Variants in DCAF5 observed in about 807,000 individuals in gnomAD.
DCAF5 encodes the protein DDB1 and CUL4 associated factor 5, also known as DDB1- and CUL4-associated factor 5.
DCAF5 carries 9 observed loss-of-function variants against 80.7 expected under a neutral mutation model. The ratio of observed to expected loss-of-function variants is 0.11; its 90% CI spans 0.07 to 0.19. The LOEUF (loss-of-function observed/expected upper bound fraction) is 0.19, where lower values mean the gene tolerates loss of function less well. Among genes scored for constraint, DCAF5 ranks in the 10% least tolerant of loss-of-function variants. The pLI, the probability that DCAF5 is intolerant of heterozygous loss-of-function variation, is 1.00. For missense variants in DCAF5, 842 were observed against 1,205.7 expected (o/e 0.70, Z 4.47); for synonymous variants, 433 against 461.9 (o/e 0.94, Z 0.80).
At chr14:69,074,592 C>T (rs1033312687) in intron 7 of DCAF5, among the ~76,000 whole-genome samples, 2 of 152,104 alleles carry the variant, frequency 1.3e-5, no homozygotes, top group Non-Finnish European at 2.9e-5. Flanking sequence ...GGGAACATAC[C>T]TGTCCATCAA....
At chr14:69,104,396 C>A (rs1212058126) in intron 5 of DCAF5, among the ~76,000 whole-genome samples, 1 of 151,906 alleles carries the variant, frequency 6.6e-6, no homozygotes, top group Non-Finnish European at 1.5e-5. Flanking sequence ...AAAAATCAAA[C>A]CTGAATTTGT....
At chr14:69,057,873 A>G (rs575185738) in intron 8 of DCAF5, among the ~76,000 whole-genome samples, 1 of 152,290 alleles carries the variant, frequency 6.6e-6, no homozygotes, top group South Asian at 2.1e-4. Context: ...CAGTAAGGGG[A>G]GCAGGTAGGA....
chr14:69,077,922 A>G (rs2139911755), intron 6 of DCAF5, among the ~76,000 whole-genome samples: 1 of 152,326 alleles, frequency 6.6e-6, no homozygotes, highest in Non-Finnish European at 1.5e-5. Flanking sequence ...GGCACAGTGG[A>G]AAAAGCAGTG....
chr14:69,069,596 G>A (rs1474052651), intron 7 of DCAF5, among the ~76,000 whole-genome samples: 3 of 152,064 alleles, frequency 2.0e-5, no homozygotes, highest in African/African-American at 7.2e-5. Context: ...ACCATGCCCA[G>A]TTTTCTTTCT....
At chr14:69,060,126 TAC>T (rs1157414008) in intron 8 of DCAF5, among the ~76,000 whole-genome samples, 1 of 152,106 alleles carries the variant, frequency 6.6e-6, no homozygotes, top group Non-Finnish European at 1.5e-5. Context: ...GAGGACACGT[TAC>T]AGAGTCAACC....
At chr14:69,087,982 T>C (rs992083284) in intron 6 of DCAF5, among the ~76,000 whole-genome samples, 1 of 152,214 alleles carries the variant, frequency 6.6e-6, no homozygotes, top group African/African-American at 2.4e-5. Flanking sequence ...AAAGTATGAA[T>C]TTGTTGTAAT....
intron 7 of DCAF5, among the ~76,000 whole-genome samples, chr14:69,074,036 C>A (rs1191683207): frequency 1.3e-5 from 2 of 152,162 alleles, no homozygotes; most frequent in Non-Finnish European, 2.9e-5. Flanking sequence ...AGGAAAAGCC[C>A]TTTTGTAACT....
intron 7 of DCAF5, among the ~76,000 whole-genome samples, chr14:69,065,993 T>C (rs2038421623): frequency 6.6e-6 from 1 of 152,142 alleles, no homozygotes; most frequent in Admixed American, 6.5e-5. Flanking sequence ...TCGCTAATAA[T>C]GGGTACCCAT....
At chr14:69,065,721 T>C (rs1006892406) in intron 7 of DCAF5, among the ~76,000 whole-genome samples, 3 of 152,236 alleles carry the variant, frequency 2.0e-5, no homozygotes, top group South Asian at 2.1e-4. Context: ...ATAAGCCAGA[T>C]AGCTTCTCCT....
At chr14:69,097,200 T>C (rs1043063395) in intron 5 of DCAF5, among the ~76,000 whole-genome samples, 3 of 152,160 alleles carry the variant, frequency 2.0e-5, no homozygotes, top group Non-Finnish European at 4.4e-5. Context: ...AGAACTCTTA[T>C]GCAAACAATT....
intron 1 of DCAF5, among the ~76,000 whole-genome samples, chr14:69,133,765 C>T (rs1489644178): frequency 2.0e-5 from 3 of 152,166 alleles, no homozygotes; most frequent in Non-Finnish European, 4.4e-5. Flanking sequence ...AGAACAGAAA[C>T]ATCCCCATTT....
chr14:69,065,569 T>C (rs1442042183), intron 7 of DCAF5, among the ~76,000 whole-genome samples: 1 of 152,224 alleles, frequency 6.6e-6, no homozygotes, highest in African/African-American at 2.4e-5. Context: ...TAACCAAGAC[T>C]GTGTACAATC....
intron 7 of DCAF5, among the ~76,000 whole-genome samples, chr14:69,064,760 G>C (rs888446426): frequency 6.6e-6 from 1 of 152,192 alleles, no homozygotes; most frequent in Non-Finnish European, 1.5e-5. Flanking sequence ...CTGAGTACAT[G>C]ATGAGAATAG....
At chr14:69,063,687 C>A (rs1213238204) in intron 7 of DCAF5, among the ~76,000 whole-genome samples, 1 of 152,196 alleles carries the variant, frequency 6.6e-6, no homozygotes, top group Non-Finnish European at 1.5e-5. Context: ...AACAATGTCC[C>A]TTCCCCAGAA....
At chr14:69,084,277 T>C (rs1219102770) in intron 6 of DCAF5, 17 of 970,158 alleles carry the variant, frequency 1.8e-5, no homozygotes, top group South Asian at 7.7e-5. Context: ...AACTTGCTAA[T>C]GGGATCAACA....
chr14:69,115,031 C>A (rs936444353), intron 5 of DCAF5, among the ~76,000 whole-genome samples: 1 of 152,184 alleles, frequency 6.6e-6, no homozygotes, highest in Non-Finnish European at 1.5e-5. Context: ...TGAGAGAAGG[C>A]TGGTGCAGTT....
In DCAF5 at chr14:69,152,727, T is replaced by TGCGGGGAGGC. The variant is rs768710108; in HGVS notation, c.214+28_214+37dup. 13 of 1,430,880 alleles carry TGCGGGGAGGC rather than the reference T, an allele frequency of 9.1e-6. No homozygotes were observed. Among genetic ancestry groups the TGCGGGGAGGC allele is most frequent in the Admixed American group, 4.0e-5 (2 of 49,604 alleles). The allele number at this position is 1,430,880 out of a possible 1,614,324, so 88.6% of individuals were successfully genotyped here. A position where few individuals can be genotyped will look rare whatever the true frequency, so the allele number is the denominator to read the frequency against. On this transcript the variant is annotated intron_variant, in intron 1 of 8. Coordinates refer to ENST00000341516, the MANE Select transcript of DCAF5 (RefSeq NM_003861.3). This position sits in a 1 kb window ranked among gnomAD's most constrained non-coding sequence, Gnocchi z 4.1. ...GAGCGAGAGGGGGAGGCTGGGAGGG[T>TGCGGGGAGGC]GCGGGGAGGCGCGGGGAGGGGAAGG...
upstream of DCAF5, chr14:69,153,187 C>T (rs2140140560): frequency 4.9e-6 from 2 of 406,870 alleles, no homozygotes; most frequent in Non-Finnish European, 8.6e-6. Context: ...GAGGCTCCTC[C>T]CTCTGCCTCT....
intron 1 of DCAF5, among the ~76,000 whole-genome samples, chr14:69,123,536 A>G (rs2040788917): frequency 6.6e-6 from 1 of 152,122 alleles, no homozygotes; most frequent in African/African-American, 2.4e-5. Context: ...TATACATGTA[A>G]CTTACCATTT....
Sources: gnomAD v4.1 joint callset for allele counts (sites outside exome capture counted in the v4.1 genomes callset) on GRCh38, gnomAD v4.1.1 for gene constraint, Gnocchi (gnomAD v3.1) non-coding constraint, MANE v1.5 for transcripts, NCBI Gene and HGNC (gene_info 2026-07-23, HGNC 2026-07-21) for gene names.